CDH19: variants seen among roughly 807,000 people sequenced by gnomAD.
CDH19 encodes the protein cadherin 19.
CDH19 carries 67 observed loss-of-function variants against 64.2 expected under a neutral mutation model. The ratio of observed to expected loss-of-function variants is 1.04; its 90% CI spans 0.86 to 1.28. The LOEUF is 1.28. Among genes scored for constraint, CDH19 ranks in the 50% most tolerant of loss-of-function variants. The probability of loss-of-function intolerance (pLI) is 0.00; values close to 1 mark genes in which losing one functional copy is unlikely to be tolerated. For missense variants in CDH19, 1,030 were observed against 929.0 expected, an observed-to-expected ratio of 1.11 and a Z score of -1.41; for synonymous variants, 346 against 319.3, an observed-to-expected ratio of 1.08 and a Z score of -0.89.
Position 66,534,986 on chromosome 18 carries a change from A to G in CDH19, c.1336T>C (p.Tyr446His). The G allele has an allele frequency of 6.9e-7, 1 of 1,452,690 alleles. No individual in the cohort carries two copies. Among genetic ancestry groups the G allele is most frequent in the Non-Finnish European group, 9.2e-7 (1 of 1,083,322 alleles). The allele number at this position is 1,452,690 out of a possible 1,614,324, so 90.0% of individuals were successfully genotyped here. A position where few individuals can be genotyped will look rare whatever the true frequency, so the allele number is the denominator to read the frequency against. The change falls in exon 8 of 12, where the codon TAC (tyrosine) becomes CAC (histidine). Residue 446 changes from tyrosine (Y) to histidine (H), a missense_variant and splice_region_variant. Coordinates refer to ENST00000262150, the MANE Select transcript of CDH19 (RefSeq NM_021153.4). ...YNLSITATEK[Y>H]NIEQISSIPL... ...TATTGGATTTCAAATGAGTACTTACATTTTTCTGTGGCTGTAATACTTAGG... is the reference window on the plus strand; with the variant it reads ...TATTGGATTTCAAATGAGTACTTACGTTTTTCTGTGGCTGTAATACTTAGG...
intron 1 of CDH19, among the ~76,000 whole-genome samples, chr18:66,582,572 T>C (rs1158312146): frequency 7.0e-6 from 1 of 143,498 alleles, no homozygotes; most frequent in Non-Finnish European, 1.5e-5. Context: ...CACTAAAATG[T>C]GAAAGATCAT....
chr18:66,591,370 G>A (rs963180015), intron 1 of CDH19, among the ~76,000 whole-genome samples: 2 of 151,824 alleles, frequency 1.3e-5, no homozygotes, highest in Non-Finnish European at 2.9e-5. Flanking sequence ...AATCATCAAA[G>A]GAGCAGCTCT....
At position 66,543,876 on chromosome 18, in the gene CDH19, C is replaced by T. The variant is rs1298072435; in HGVS notation, c.1214+95G>A. On this transcript the variant is annotated intron_variant, in intron 7 of 11. Coordinates refer to ENST00000262150, the MANE Select transcript of CDH19 (RefSeq NM_021153.4). ...CGAGCCTAGAAGACAGAGTGAGACTCCCTCTCAATTAAAAAAAAGATTGCA... is the reference window on the plus strand; with the variant it reads ...CGAGCCTAGAAGACAGAGTGAGACTTCCTCTCAATTAAAAAAAAGATTGCA... 5.7e-6 allele frequency: 5 copies of T among 879,578 alleles called. No individual in the cohort carries two copies. In the South Asian group the frequency reaches 8.0e-5, roughly 14 times the overall value. 54.5% of individuals were successfully genotyped at this position (879,578 alleles called of 1,614,324 possible). A position where few individuals can be genotyped will look rare whatever the true frequency, so the allele number is the denominator to read the frequency against.
intron 7 of CDH19, among the ~76,000 whole-genome samples, chr18:66,542,805 C>A (rs2144481430): frequency 6.6e-6 from 1 of 152,104 alleles, no homozygotes; most frequent in East Asian, 1.9e-4. Context: ...GTGAACTGTG[C>A]ATGTGAAGTA....
intron 9 of CDH19, among the ~76,000 whole-genome samples, chr18:66,529,563 C>T (rs1167690101): frequency 7.8e-6 from 1 of 127,816 alleles, no homozygotes; most frequent in Admixed American, 8.0e-5. Context: ...AACATAAAAG[C>T]ATGTAATTAA....
At chr18:66,546,165 G>C (rs1046712383) in intron 5 of CDH19, among the ~76,000 whole-genome samples, 14 of 152,044 alleles carry the variant, frequency 9.2e-5, no homozygotes, top group Non-Finnish European at 1.3e-4. Flanking sequence ...GGGATTCCTA[G>C]TTCCTTTAGA....
intron 9 of CDH19, among the ~76,000 whole-genome samples, chr18:66,523,257 C>A (rs1598978555): frequency 6.6e-6 from 1 of 152,098 alleles, no homozygotes; most frequent in Non-Finnish European, 1.5e-5. Context: ...ACCACATGAT[C>A]ATTTGAAACG....
At position 66,575,259 on chromosome 18, in the gene CDH19, A is replaced by T. The variant is rs1009459936; in HGVS notation, c.-112-2943T>A. On this transcript the variant is annotated intron_variant, in intron 1 of 11. Transcript: ENST00000262150. ...GCAAGGGGAGTGTTAAGAGTGAAAA[A>T]GTACTAAGTACATTGTCAGAGTGGG... Among the ~76,000 whole-genome samples, 4 of 151,874 alleles carry T rather than the reference A, an allele frequency of 2.6e-5. No individual in the cohort carries two copies. In the Admixed American group the frequency reaches 2.6e-4, roughly 10 times the overall value.
At chr18:66,564,619 A>G (rs1461678929) in intron 3 of CDH19, among the ~76,000 whole-genome samples, 1 of 151,930 alleles carries the variant, frequency 6.6e-6, no homozygotes, top group Non-Finnish European at 1.5e-5. Flanking sequence ...TCAGATTTTA[A>G]ATTTTCCTTT....
intron 3 of CDH19, among the ~76,000 whole-genome samples, chr18:66,555,627 A>G (rs1987489981): frequency 6.6e-6 from 1 of 151,748 alleles, no homozygotes; most frequent in African/African-American, 2.4e-5. Context: ...GAATCAGGAA[A>G]ACTTTTTGCC....
intron 1 of CDH19, among the ~76,000 whole-genome samples, chr18:66,601,988 C>T (rs1199192604): frequency 6.6e-6 from 1 of 151,930 alleles, no homozygotes; most frequent in Non-Finnish European, 1.5e-5. Flanking sequence ...ACGTTCCATA[C>T]TTAGTTGTGT....
At position 66,514,003 on chromosome 18, in the gene CDH19, GAA is replaced by G. The variant is rs1985619489; in HGVS notation, c.1459-2320_1459-2319del. 2.0e-5 allele frequency among the ~76,000 whole-genome samples: 3 copies of G among 151,382 alleles called. No homozygotes were observed. The Admixed American group carries it at 2.0e-4, about 10-fold the overall frequency. The stretch of plus-strand genomic sequence containing the variant: ...TTGAAAAGTAACTACAATTTAATAA[GAA>G]CTTACCTATGGGCCAGGATCTGTTC... On this transcript the variant is annotated intron_variant, in intron 9 of 11. Coordinates refer to ENST00000262150, the MANE Select transcript of CDH19 (RefSeq NM_021153.4).
In CDH19 at chr18:66,502,579, G is replaced by T. The variant is rs1367481672; in HGVS notation, c.*2233C>A. 6.6e-6 allele frequency: 1 copy of T among 151,644 alleles called. No homozygotes were observed. The highest frequency in any genetic ancestry group is 1.5e-5 in the Non-Finnish European group (1 of 67,860). 9.4% of individuals were successfully genotyped at this position (151,644 alleles called of 1,614,324 possible). On this transcript the variant is annotated 3_prime_UTR_variant, in exon 12 of 12. Transcript: ENST00000262150. ...TTTAGTTTTCTACTAAGATTACCTA[G>T]CATTCTTTTTAAATAAAGGAAACAA... is the stretch of plus-strand genomic sequence containing the variant.
intron 7 of CDH19, among the ~76,000 whole-genome samples, chr18:66,535,330 C>T (rs1363537572): frequency 6.6e-6 from 1 of 151,340 alleles, no homozygotes; most frequent in Non-Finnish European, 1.5e-5. Flanking sequence ...TTGATGGATG[C>T]TAAATCTAAA....
intron 2 of CDH19, among the ~76,000 whole-genome samples, chr18:66,570,421 C>A (rs914305064): frequency 2.0e-5 from 3 of 151,606 alleles, no homozygotes; most frequent in African/African-American, 7.3e-5. Flanking sequence ...ATACAATTTT[C>A]TATATTTTTA....
rs1006438971 is a variant in CDH19 at position 66,548,270 on chromosome 18, A to T, written c.775+2824T>A. ...TTATATATATATATATATTTTTTTA[A>T]AAATATATAATATATGAAGTTGATG... On this transcript the variant is annotated intron_variant, in intron 5 of 11. Transcript: ENST00000262150. Among the ~76,000 whole-genome samples, 296 of 140,054 alleles carry T rather than the reference A, an allele frequency of 2.1e-3. 2 individuals carry two copies. Among genetic ancestry groups the T allele is most frequent in the African/African-American group, 7.9e-3 (268 of 33,804 alleles). The allele number at this position is 140,054 out of a possible 152,430, so 91.9% of individuals were successfully genotyped here.
At position 66,504,788 on chromosome 18, in the gene CDH19, TA is replaced by T. The variant is rs1568167379; in HGVS notation, c.*23del. ...GGGTTCGAATACACATTAGCACTTT[TA>T]AAAATTTTGATGGTAAAAAGCCCTA... On this transcript the variant is annotated 3_prime_UTR_variant, in exon 12 of 12. Transcript: ENST00000262150. 6.4e-7 allele frequency: 1 copy of T among 1,572,064 alleles called. No homozygotes were observed. Among genetic ancestry groups the T allele is most frequent in the East Asian group, 2.3e-5 (1 of 44,210 alleles).
intron 7 of CDH19, among the ~76,000 whole-genome samples, chr18:66,539,530 A>T (rs1289691173): frequency 6.6e-6 from 1 of 152,070 alleles, no homozygotes; most frequent in Admixed American, 6.6e-5. Context: ...TTGAGATGTT[A>T]TATGGCTTTT....
chr18:66,507,932 C>T (rs1347538931), intron 11 of CDH19, among the ~76,000 whole-genome samples: 1 of 151,786 alleles, frequency 6.6e-6, no homozygotes, highest in Non-Finnish European at 1.5e-5. Context: ...GAAGAGATAG[C>T]CACACTTCCA....
Sources: allele counts gnomAD v4.1 joint callset (sites outside exome capture counted in the v4.1 genomes callset), GRCh38; gene constraint gnomAD v4.1.1; transcripts MANE v1.5; gene names NCBI Gene and HGNC (gene_info 2026-07-23, HGNC 2026-07-21).